RCAN2: variants seen among roughly 807,000 people sequenced by gnomAD.
RCAN2 encodes the protein regulator of calcineurin 2, also known as calcipressin-2.
A neutral mutation model predicts 23.6 loss-of-function variants in RCAN2; 9 were observed. That is an observed-to-expected ratio of 0.38 (90% confidence interval 0.23 to 0.67). The LOEUF (loss-of-function observed/expected upper bound fraction) is 0.67. RCAN2 is among the 30% of genes least tolerant of loss of function. The pLI is 0.51. For missense variants in RCAN2, 273 were observed against 302.3 expected (o/e 0.90, Z 0.72); for synonymous variants, 109 against 115.7 (o/e 0.94, Z 0.37).
At chr6:46,246,131 G>T (rs1219579660) in intron 4 of RCAN2, among the ~76,000 whole-genome samples, 1 of 152,196 alleles carries the variant, frequency 6.6e-6, no homozygotes, top group Non-Finnish European at 1.5e-5. Context: ...TCCATCAACA[G>T]GAGAGTGGCT....
intron 2 of RCAN2, among the ~76,000 whole-genome samples, chr6:46,339,038 A>AAAAAAC: frequency 6.6e-6 from 1 of 150,678 alleles, no homozygotes; most frequent in Admixed American, 6.6e-5. Flanking sequence ...AAAAAAAAAA[A>AAAAAAC]AGAATTAAAG....
intron 4 of RCAN2, among the ~76,000 whole-genome samples, chr6:46,233,723 T>TTC (rs1420978574): frequency 1.4e-5 from 2 of 139,582 alleles, no homozygotes; most frequent in Non-Finnish European, 3.2e-5. Context: ...GAACACTTCT[T>TTC]TTTTTTTTTT....
intron 2 of RCAN2, among the ~76,000 whole-genome samples, chr6:46,346,847 A>C (rs542040129): frequency 4.6e-5 from 7 of 151,788 alleles, no homozygotes; most frequent in Admixed American, 3.9e-4. Context: ...ACCAGTTTTT[A>C]AATTTTTATT....
intron 2 of RCAN2, among the ~76,000 whole-genome samples, chr6:46,361,844 G>A (rs886715144): frequency 6.6e-6 from 1 of 152,136 alleles, no homozygotes; most frequent in African/African-American, 2.4e-5. Flanking sequence ...AGAGGAGTTT[G>A]CAGTTAATCC....
At chr6:46,226,285 A>G (rs982721995) in intron 4 of RCAN2, among the ~76,000 whole-genome samples, 4 of 152,182 alleles carry the variant, frequency 2.6e-5, no homozygotes, top group South Asian at 2.1e-4. Context: ...TTTTCGTTCC[A>G]TATGAACTTT....
intron 2 of RCAN2, among the ~76,000 whole-genome samples, chr6:46,415,472 A>G (rs900267938): frequency 6.6e-6 from 1 of 152,222 alleles, no homozygotes; most frequent in Non-Finnish European, 1.5e-5. Flanking sequence ...ACCTGTGAGC[A>G]TTCAGGCCTC....
intron 2 of RCAN2, among the ~76,000 whole-genome samples, chr6:46,341,779 CAG>C (rs1764325775): frequency 6.7e-6 from 1 of 148,578 alleles, no homozygotes; most frequent in South Asian, 2.2e-4. Flanking sequence ...GCCTGGGTGA[CAG>C]AGCAAGACTC....
At position 46,271,426 on chromosome 6, in the gene RCAN2, A is replaced by G. The variant is rs1467938446; in HGVS notation, c.226-22530T>C. Among the ~76,000 whole-genome samples, 4 of 152,336 alleles carry G rather than the reference A, an allele frequency of 2.6e-5. No individual in the cohort carries two copies. In the East Asian group the frequency reaches 5.8e-4, roughly 22 times the overall value. On this transcript the variant is annotated intron_variant, in intron 2 of 4. Transcript: ENST00000371374. ...AAACTGCTTTACTCAGAGCCCACCA[A>G]TTTAAATGTTAATCTCATCCAAAAA...
At chr6:46,310,431 G>T (rs1763218381) in intron 2 of RCAN2, among the ~76,000 whole-genome samples, 1 of 152,066 alleles carries the variant, frequency 6.6e-6, no homozygotes, top group Non-Finnish European at 1.5e-5. Flanking sequence ...AAATTTTTGT[G>T]CTCAGACCTT....
At chr6:46,471,300 CA>C (rs1324770515) in intron 1 of RCAN2, among the ~76,000 whole-genome samples, 2 of 152,164 alleles carry the variant, frequency 1.3e-5, no homozygotes, top group Non-Finnish European at 2.9e-5. Context: ...AGCAATGGAA[CA>C]AGGCCAGAAG....
intron 4 of RCAN2, among the ~76,000 whole-genome samples, chr6:46,226,461 T>G (rs1198215900): frequency 6.6e-6 from 1 of 152,226 alleles, no homozygotes; most frequent in Non-Finnish European, 1.5e-5. Flanking sequence ...TTTATTTCAT[T>G]GAGCAGTGGT....
At chr6:46,333,837 T>C (rs1457698236) in intron 2 of RCAN2, among the ~76,000 whole-genome samples, 1 of 152,234 alleles carries the variant, frequency 6.6e-6, no homozygotes, top group African/African-American at 2.4e-5. Context: ...TCAGATTCTG[T>C]TACTGACACT....
At chr6:46,300,254 A>G (rs1053953383) in intron 2 of RCAN2, among the ~76,000 whole-genome samples, 2 of 152,020 alleles carry the variant, frequency 1.3e-5, no homozygotes, top group Non-Finnish European at 2.9e-5. Context: ...AAGTAAATTG[A>G]AAGACAAAAA....
At chr6:46,441,669 G>C (rs1317599073) in intron 2 of RCAN2, among the ~76,000 whole-genome samples, 1 of 151,542 alleles carries the variant, frequency 6.6e-6, no homozygotes, top group Non-Finnish European at 1.5e-5. Flanking sequence ...ATGAGATTAT[G>C]GTATTTCTGT....
chr6:46,324,547 T>C (rs865835145), intron 2 of RCAN2, among the ~76,000 whole-genome samples: 2 of 152,196 alleles, frequency 1.3e-5, no homozygotes, highest in Non-Finnish European at 2.9e-5. Context: ...CTTCTGTGCG[T>C]GTATATGTGT....
At chr6:46,356,203 A>G (rs777975863) in intron 2 of RCAN2, among the ~76,000 whole-genome samples, 1 of 152,224 alleles carries the variant, frequency 6.6e-6, no homozygotes, top group Non-Finnish European at 1.5e-5. Flanking sequence ...ATAGGCTCCT[A>G]TTCACAAACC....
intron 2 of RCAN2, among the ~76,000 whole-genome samples, chr6:46,342,023 C>CT (rs11433992): frequency 0.49 from 75,109 of 151,780 alleles, 18,868 homozygotes; most frequent in East Asian, 0.61. Flanking sequence ...GTTGGGGTGC[C>CT]TTTGGTTATG....
chr6:46,246,948 T>A, intron 3 of RCAN2, 29 bp from the exon 4 acceptor site: 1 of 1,476,458 alleles, frequency 6.8e-7, no homozygotes, highest in African/African-American at 1.4e-5. Flanking sequence ...ATGAAGAAAC[T>A]TATTCATCAT....
chr6:46,283,865 G>A (rs901826005), intron 2 of RCAN2, among the ~76,000 whole-genome samples: 19 of 152,150 alleles, frequency 1.2e-4, no homozygotes, highest in African/African-American at 3.4e-4. Context: ...AGCTTTCCTC[G>A]TGGTAGAAGT....
Sources: gnomAD v4.1 joint callset for allele counts (sites outside exome capture counted in the v4.1 genomes callset) on GRCh38, gnomAD v4.1.1 for gene constraint, MANE v1.5 for transcripts, NCBI Gene and HGNC (gene_info 2026-07-23, HGNC 2026-07-21) for gene names.